The following CAST variants were observed in gnomAD, a reference collection of about 807,000 sequenced individuals.
CAST encodes MIR583 host.
Under a neutral mutation model 119.6 loss-of-function variants are expected in CAST, and 76 were observed. The ratio of observed to expected loss-of-function variants is 0.64; its 90% CI spans 0.53 to 0.77. The LOEUF is 0.77. Among genes scored for constraint, CAST ranks in the 30% least tolerant of loss-of-function variants. CAST has a pLI of 0.00. For synonymous variants in CAST, 319 were observed against 331.6 expected, an observed-to-expected ratio of 0.96 and a Z score of 0.41; for missense variants, 953 against 946.5, an observed-to-expected ratio of 1.01 and a Z score of -0.09.
At chr5:96,228,550 C>T in the CAST span, among the ~76,000 whole-genome samples, 31 of 152,122 alleles carry the variant, frequency 2.0e-4, no homozygotes, top group Non-Finnish European at 4.3e-4. Flanking sequence ...TTGTATTTGT[C>T]CCCTAGATTC....
chr5:96,163,492 TC>T, the CAST span, among the ~76,000 whole-genome samples: 4 of 152,378 alleles, frequency 2.6e-5, no homozygotes, highest in Non-Finnish European at 4.4e-5. Flanking sequence ...ATTCTTATGT[TC>T]TGATACTTAA....
intron 3 of CAST, among the ~76,000 whole-genome samples, chr5:96,718,149 T>C (rs72772095): frequency 0.11 from 16,731 of 152,070 alleles, 1,067 homozygotes; most frequent in Middle Eastern, 0.17. Context: ...GATGAGGAAA[T>C]ACGGAGGCTC....
At chr5:96,508,218 A>G in the CAST span, among the ~76,000 whole-genome samples, 3 of 152,050 alleles carry the variant, frequency 2.0e-5, no homozygotes, top group African/African-American at 7.2e-5. Flanking sequence ...CTGCAAAAGG[A>G]GAACGGACTT....
the CAST span, among the ~76,000 whole-genome samples, chr5:96,384,566 C>G: frequency 6.6e-6 from 1 of 152,190 alleles, no homozygotes; most frequent in Non-Finnish European, 1.5e-5. Context: ...GTTGGCACCT[C>G]TTTTCCGTCA....
chr5:96,099,761 A>G, the CAST span, among the ~76,000 whole-genome samples: 4 of 152,172 alleles, frequency 2.6e-5, no homozygotes, highest in East Asian at 1.9e-4. Context: ...ATTGATGTTC[A>G]TCAAGGATAT....
chr5:96,554,220 G>C (rs1321161080), intron 1 of CAST, among the ~76,000 whole-genome samples: 1 of 152,110 alleles, frequency 6.6e-6, no homozygotes, highest in Non-Finnish European at 1.5e-5. Context: ...TAGACCAATG[G>C]AACAGAACAG....
the CAST span, among the ~76,000 whole-genome samples, chr5:96,060,274 C>T: frequency 0.012 from 1,777 of 152,230 alleles, 29 homozygotes; most frequent in African/African-American, 0.037. Flanking sequence ...TTCTGTAGTA[C>T]GTCATCTTTG....
intron 2 of CAST, among the ~76,000 whole-genome samples, chr5:96,677,639 AT>A (rs1750866536): frequency 2.0e-5 from 3 of 152,204 alleles, no homozygotes; most frequent in Non-Finnish European, 4.4e-5. Context: ...GTAAATTCAC[AT>A]TCATGACCCC....
the CAST span, among the ~76,000 whole-genome samples, chr5:96,440,858 T>A: frequency 6.6e-6 from 1 of 151,962 alleles, no homozygotes; most frequent in Non-Finnish European, 1.5e-5. Context: ...TAGTTAAGAG[T>A]CGATGGAAGA....
chr5:96,271,441 A>T, the CAST span, among the ~76,000 whole-genome samples: 1 of 152,176 alleles, frequency 6.6e-6, no homozygotes, highest in Admixed American at 6.6e-5. Flanking sequence ...CACAGATATA[A>T]ATCCATGCAT....
chr5:96,006,618 A>G, the CAST span, among the ~76,000 whole-genome samples: 1 of 152,140 alleles, frequency 6.6e-6, no homozygotes, highest in Non-Finnish European at 1.5e-5. Context: ...TTCTGATGCC[A>G]GGGTCAGGGG....
chr5:96,351,443 C>T, the CAST span, among the ~76,000 whole-genome samples: 4 of 152,134 alleles, frequency 2.6e-5, no homozygotes, highest in Admixed American at 6.6e-5. Context: ...TCCACTCTCT[C>T]AGGCTAGGTC....
intron 1 of CAST, among the ~76,000 whole-genome samples, chr5:96,646,040 T>C (rs1282132198): frequency 6.6e-6 from 1 of 152,138 alleles, no homozygotes; most frequent in East Asian, 1.9e-4. Context: ...TCTAACCTGA[T>C]TCAAAATAAG....
chr5:96,520,539 C>CTGTGTGTGTTTGTGGCTAGGTGTG (rs1745499316), upstream of CAST, among the ~76,000 whole-genome samples: 2 of 151,404 alleles, frequency 1.3e-5, no homozygotes, highest in African/African-American at 4.9e-5. Flanking sequence ...GTGTGTGTGT[C>CTGTGTGTGTTTGTGGCTAGGTGTG]TGTGTGTGTT....
At chr5:95,974,416 G>C in the CAST span, among the ~76,000 whole-genome samples, 62 of 152,192 alleles carry the variant, frequency 4.1e-4, no homozygotes, top group Non-Finnish European at 8.4e-4. Context: ...TCAATAGAGA[G>C]ATAAATGTTG....
chr5:96,122,798 A>T, the CAST span, among the ~76,000 whole-genome samples: 1 of 151,936 alleles, frequency 6.6e-6, no homozygotes, highest in Admixed American at 6.6e-5. Context: ...TTTAATGGAT[A>T]TTCAGATGGC....
the CAST span, among the ~76,000 whole-genome samples, chr5:96,092,402 T>G: frequency 1.3e-5 from 2 of 152,222 alleles, no homozygotes; most frequent in Non-Finnish European, 1.5e-5. Context: ...ACATTTGCTC[T>G]TTCAGGATTT....
chr5:96,620,564 G>A (rs1189287006), intron 1 of CAST, among the ~76,000 whole-genome samples: 2 of 152,052 alleles, frequency 1.3e-5, no homozygotes, highest in Admixed American at 6.5e-5. Context: ...TGTAAGTTCT[G>A]AACACCTTTA....
At chr5:96,206,120 G>T in the CAST span, among the ~76,000 whole-genome samples, 3 of 151,706 alleles carry the variant, frequency 2.0e-5, no homozygotes, top group Non-Finnish European at 4.4e-5. Flanking sequence ...ATCTTCTTTT[G>T]AAACGTGTTT....
Sources: gnomAD v4.1 joint callset for allele counts (sites outside exome capture counted in the v4.1 genomes callset) on GRCh38, gnomAD v4.1.1 for gene constraint, MANE v1.5 for transcripts, NCBI Gene and HGNC (gene_info 2026-07-23, HGNC 2026-07-21) for gene names.